Variants in CAPN13 observed in about 807,000 individuals in gnomAD.
CAPN13 encodes the protein calpain 13.
CAPN13 carries 90 observed loss-of-function variants against 98.4 expected under a neutral mutation model. That is an observed-to-expected ratio of 0.92 (90% CI 0.77 to 1.09). CAPN13 has a LOEUF of 1.09. Among genes scored for constraint, CAPN13 ranks in the 50% least tolerant of loss-of-function variants. The probability of loss-of-function intolerance (pLI) is 0.00; values close to 1 mark genes in which losing one functional copy is unlikely to be tolerated. For synonymous variants in CAPN13, 330 were observed against 305.5 expected (o/e 1.08, Z -0.84); for missense variants, 887 against 841.3 (o/e 1.05, Z -0.67).
At position 30,779,366 on chromosome 2, in the gene CAPN13, T is replaced by C. The variant is rs78567308; in HGVS notation, c.199-1727A>G. On this transcript the variant is annotated intron_variant, in intron 2 of 22. Transcript: ENST00000295055. Reference sequence around the variant, plus strand: ...CCTCATGTGTAAAATGGAACAATAATACAAAATGTAAAGACAGTTGAGAGA... The same window carrying C: ...CCTCATGTGTAAAATGGAACAATAACACAAAATGTAAAGACAGTTGAGAGA... Among the ~76,000 whole-genome samples, 781 of 152,316 alleles carry C rather than the reference T, an allele frequency of 5.1e-3. 12 individuals carry two copies. The East Asian group carries it at 0.074, about 14-fold the overall frequency.
intron 22 of CAPN13, among the ~76,000 whole-genome samples, chr2:30,723,771 C>T (rs190673515): frequency 6.6e-6 from 1 of 152,322 alleles, no homozygotes; most frequent in East Asian, 1.9e-4. Context: ...CTGCCCTACC[C>T]ATGGGGTAAA....
At chr2:30,743,658 C>G in intron 12 of CAPN13, 79 bp from the exon 13 acceptor site, 1 of 1,205,276 alleles carries the variant, frequency 8.3e-7, no homozygotes, top group Non-Finnish European at 1.2e-6. Context: ...AGACCCACCA[C>G]CTTCTAGACC....
Position 30,741,261 on chromosome 2 carries a change from A to G in CAPN13, c.1536+647T>C, listed in dbSNP as rs192618511. ...TGACTACTACCCCATTAACCCTCTG[A>G]ATGCAGAGGCAGGGCCTGCCATCCT... On this transcript the variant is annotated intron_variant, in intron 15 of 22. Transcript: ENST00000295055. 148 of 499,564 alleles carry G rather than the reference A, an allele frequency of 3.0e-4. 1 individual carries two copies. The Middle Eastern group carries it at 4.0e-3, about 13-fold the overall frequency. The allele number at this position is 499,564 out of a possible 1,614,324, so 30.9% of individuals were successfully genotyped here.
At chr2:30,782,387 G>C (rs935189660) in intron 2 of CAPN13, among the ~76,000 whole-genome samples, 2 of 152,212 alleles carry the variant, frequency 1.3e-5, no homozygotes, top group Non-Finnish European at 2.9e-5. Flanking sequence ...AGAGGACTTA[G>C]ATTTATTGGC....
intron 22 of CAPN13, among the ~76,000 whole-genome samples, chr2:30,726,776 G>C (rs1670871975): frequency 6.6e-6 from 1 of 152,022 alleles, no homozygotes; most frequent in African/African-American, 2.4e-5. Flanking sequence ...TGTGAAGATG[G>C]CAATATTCCC....
chr2:30,760,235 C>T (rs916692604), intron 7 of CAPN13, among the ~76,000 whole-genome samples: 7 of 152,174 alleles, frequency 4.6e-5, no homozygotes, highest in African/African-American at 1.2e-4. Context: ...GGCAGGTACC[C>T]GCCTAATGCC....
At chr2:30,727,008 T>C (rs1331817428) in intron 22 of CAPN13, among the ~76,000 whole-genome samples, 1 of 152,156 alleles carries the variant, frequency 6.6e-6, no homozygotes, top group Non-Finnish European at 1.5e-5. Context: ...CATAAATCAA[T>C]TGAACAGAAA....
intron 6 of CAPN13, 72 bp from the exon 7 acceptor site, chr2:30,763,228 A>C (rs1672936817): frequency 7.2e-7 from 1 of 1,381,024 alleles, no homozygotes; most frequent in Non-Finnish European, 1.0e-6. Flanking sequence ...AACACAGTCC[A>C]AACAGCCACT....
chr2:30,781,168 C>A lies in CAPN13; in HGVS notation c.199-3529G>T, dbSNP rs376810267. ...CTGAGACCCAGCCAGGGCCAAGGAGCAGCTTCAGAGAAGTTGACCGATTTG... is the reference window on the plus strand; with the variant it reads ...CTGAGACCCAGCCAGGGCCAAGGAGAAGCTTCAGAGAAGTTGACCGATTTG... On this transcript the variant is annotated intron_variant, in intron 2 of 22. Transcript: ENST00000295055. Among the ~76,000 whole-genome samples, 4 of 152,350 alleles carry A rather than the reference C, an allele frequency of 2.6e-5. No individual in the cohort carries two copies. The East Asian group carries it at 5.8e-4, about 22-fold the overall frequency.
intron 6 of CAPN13, among the ~76,000 whole-genome samples, chr2:30,763,571 C>G (rs1672954210): frequency 6.6e-6 from 1 of 152,214 alleles, no homozygotes; most frequent in Non-Finnish European, 1.5e-5. Flanking sequence ...ATGTGTGACT[C>G]AAAGCCCACA....
intron 1 of CAPN13, among the ~76,000 whole-genome samples, chr2:30,795,616 T>C (rs1344619458): frequency 6.6e-6 from 1 of 152,130 alleles, no homozygotes; most frequent in Non-Finnish European, 1.5e-5. Context: ...CTTTTTCTTA[T>C]TGATTTGTAG....
intron 6 of CAPN13, 67 bp downstream of exon 6, chr2:30,764,065 C>A (rs1572840020): frequency 6.8e-7 from 1 of 1,466,046 alleles, no homozygotes; most frequent in Non-Finnish European, 9.2e-7. Context: ...GCTGAATGGA[C>A]CCCTGGCTGA....
chr2:30,803,314 G>A (rs571016856), intron 1 of CAPN13, among the ~76,000 whole-genome samples: 1 of 152,304 alleles, frequency 6.6e-6, no homozygotes, highest in Non-Finnish European at 1.5e-5. Flanking sequence ...AAGGCAGTGT[G>A]TGGCTGTGAT....
At chr2:30,772,042 T>C (rs918895963) in intron 4 of CAPN13, among the ~76,000 whole-genome samples, 4 of 152,346 alleles carry the variant, frequency 2.6e-5, no homozygotes, top group Non-Finnish European at 5.9e-5. Context: ...TTAGTTCATC[T>C]TAAAAATAAC....
At chr2:30,769,473 A>G (rs561673246) in intron 5 of CAPN13, among the ~76,000 whole-genome samples, 32 of 152,236 alleles carry the variant, frequency 2.1e-4, no homozygotes, top group Non-Finnish European at 2.1e-4. Flanking sequence ...GTGTATCTTC[A>G]TCACCTGTGT....
chr2:30,745,651 G>T, intron 12 of CAPN13, 72 bp downstream of exon 12: 2 of 1,518,884 alleles, frequency 1.3e-6, no homozygotes, highest in Non-Finnish European at 1.8e-6. Flanking sequence ...GGCCATGGGC[G>T]TTGGAAGTGG....
Position 30,724,528 on chromosome 2 carries a change from C to T in CAPN13, c.*31-1292G>A, listed in dbSNP as rs79791868. On this transcript the variant is annotated intron_variant, in intron 22 of 22. Coordinates refer to ENST00000295055, the MANE Select transcript of CAPN13 (RefSeq NM_144575.3). ...GTCTAGTGTTGGATCTTCTGTTTCC[C>T]GGATTCCAACTCTTCCTCCTCCTTG... Among the ~76,000 whole-genome samples the T allele has an allele frequency of 8.3e-3, 1,263 of 152,288 alleles. 22 individuals are homozygous for T. Among genetic ancestry groups the T allele is most frequent in the Non-Finnish European group, 0.01 (685 of 68,034 alleles).
chr2:30,767,495 A>G (rs1673169703), intron 5 of CAPN13, among the ~76,000 whole-genome samples: 1 of 152,188 alleles, frequency 6.6e-6, no homozygotes, highest in African/African-American at 2.4e-5. Context: ...CTCCCAGGGA[A>G]CCACTGGTCT....
chr2:30,790,008 C>T (rs537967235), intron 1 of CAPN13, among the ~76,000 whole-genome samples: 7 of 152,216 alleles, frequency 4.6e-5, no homozygotes, highest in Admixed American at 6.5e-5. Context: ...TCTGCTGCTG[C>T]GGAGGTGGGC....
Sources: allele counts gnomAD v4.1 joint callset (sites outside exome capture counted in the v4.1 genomes callset), GRCh38; gene constraint gnomAD v4.1.1; transcripts MANE v1.5; gene names NCBI Gene and HGNC (gene_info 2026-07-23, HGNC 2026-07-21).